Variants in SPIDR observed in about 807,000 individuals in gnomAD.
SPIDR encodes scaffold protein involved in DNA repair, also known as DNA repair-scaffolding protein.
SPIDR carries 93 observed loss-of-function variants against 104.6 expected under a neutral mutation model. The observed-to-expected ratio is 0.89, with a 90% CI of 0.75 to 1.06. The LOEUF is 1.06. Among genes scored for constraint, SPIDR ranks in the 50% least tolerant of loss-of-function variants. The pLI, the probability that SPIDR is intolerant of heterozygous loss-of-function variation, is 0.00. For missense variants in SPIDR, 1,154 were observed against 1,111.2 expected (o/e 1.04, Z -0.55); for synonymous variants, 431 against 416.9 (o/e 1.03, Z -0.41).
chr8:47,366,736 A>G (rs2057274913), intron 5 of SPIDR, among the ~76,000 whole-genome samples: 1 of 152,252 alleles, frequency 6.6e-6, no homozygotes, highest in African/African-American at 2.4e-5. Context: ...ATCAAGTTTA[A>G]GTGCGTCTTG....
At chr8:47,587,033 G>C (rs1338789496) in intron 8 of SPIDR, among the ~76,000 whole-genome samples, 3 of 152,160 alleles carry the variant, frequency 2.0e-5, no homozygotes, top group Non-Finnish European at 4.4e-5. Context: ...GCCTCCCAAA[G>C]TGCTGGGATT....
chr8:47,709,359 C>T (rs1181339713), intron 14 of SPIDR, among the ~76,000 whole-genome samples: 1 of 152,212 alleles, frequency 6.6e-6, no homozygotes, highest in Non-Finnish European at 1.5e-5. Context: ...AGGCTGGTCT[C>T]GAACTCCTGA....
intron 8 of SPIDR, chr8:47,547,247 G>A: frequency 3.2e-6 from 2 of 618,100 alleles, no homozygotes; most frequent in East Asian, 3.9e-5. Context: ...GGCTCCTCAG[G>A]TGTAACACGA....
chr8:47,641,670 G>C (rs539760412), intron 10 of SPIDR, among the ~76,000 whole-genome samples: 40 of 152,282 alleles, frequency 2.6e-4, no homozygotes, highest in South Asian at 1.7e-3. Flanking sequence ...GTGCTGCTGG[G>C]CTCCCCTGCA....
chr8:47,712,718 C>T lies in SPIDR; in HGVS notation c.2034C>T (p.Val678=), dbSNP rs745394288. The T allele has an allele frequency of 3.7e-6, 6 of 1,614,144 alleles. No homozygotes were observed. In the East Asian group the frequency reaches 1.1e-4, roughly 30 times the overall value. The part of the protein sequence containing the change: ...QREIWLLVTD[V]TLQTKEERDP... ...AGATCTGGCTGCTAGTGACCGATGT[C>T]ACTCTGCAAACGAAGGAGGAGAGAG... The change falls in exon 15 of 20, where the codon GTC becomes GTT. Residue 678 remains valine, a synonymous_variant. Coordinates refer to ENST00000297423, the MANE Select transcript of SPIDR (RefSeq NM_001080394.4).
chr8:47,344,819 G>C (rs1360007979), intron 5 of SPIDR, among the ~76,000 whole-genome samples: 1 of 152,168 alleles, frequency 6.6e-6, no homozygotes, highest in East Asian at 1.9e-4. Flanking sequence ...GGGGCTGTTT[G>C]ATTTTTTCTT....
intron 10 of SPIDR, among the ~76,000 whole-genome samples, chr8:47,606,561 A>T (rs1449256718): frequency 6.6e-6 from 1 of 152,024 alleles, no homozygotes; most frequent in Non-Finnish European, 1.5e-5. Context: ...AAAAACAAGG[A>T]TCCCAAACTC....
At chr8:47,315,591 C>T (rs2154258226) in intron 5 of SPIDR, among the ~76,000 whole-genome samples, 1 of 152,122 alleles carries the variant, frequency 6.6e-6, no homozygotes, top group South Asian at 2.1e-4. Flanking sequence ...ACAAAGCAAT[C>T]CTGATGATTT....
intron 7 of SPIDR, among the ~76,000 whole-genome samples, chr8:47,422,014 C>A (rs536742244): frequency 6.6e-6 from 1 of 152,318 alleles, no homozygotes; most frequent in East Asian, 1.9e-4. Context: ...TGTCAGTCTG[C>A]CCCTACTCAG....
At chr8:47,290,165 CT>C (rs1379827290) in intron 3 of SPIDR, among the ~76,000 whole-genome samples, 1 of 151,300 alleles carries the variant, frequency 6.6e-6, no homozygotes, top group Non-Finnish European at 1.5e-5. Context: ...TCAGCCCCCC[CT>C]GAGTAGCTGG....
At chr8:47,624,232 A>C (rs533891345) in intron 10 of SPIDR, among the ~76,000 whole-genome samples, 2 of 152,356 alleles carry the variant, frequency 1.3e-5, no homozygotes, top group East Asian at 3.9e-4. Context: ...GACACATTCA[A>C]AGCAGTGTGT....
At chr8:47,312,021 G>C (rs1460661167) in intron 5 of SPIDR, among the ~76,000 whole-genome samples, 3 of 152,082 alleles carry the variant, frequency 2.0e-5, no homozygotes, top group East Asian at 1.9e-4. Context: ...TTTCCAGTTT[G>C]ATCCATGTCC....
intron 7 of SPIDR, among the ~76,000 whole-genome samples, chr8:47,419,975 A>C (rs576777585): frequency 6.6e-6 from 1 of 152,258 alleles, no homozygotes; most frequent in East Asian, 1.9e-4. Flanking sequence ...CTGTGGTCTG[A>C]GAGACAGTTT....
chr8:47,589,270 C>T (rs1487631275), intron 8 of SPIDR, among the ~76,000 whole-genome samples: 1 of 151,860 alleles, frequency 6.6e-6, no homozygotes, highest in Admixed American at 6.6e-5. Context: ...CCTATAATCC[C>T]AGCACTTTGG....
chr8:47,407,900 A>G lies in SPIDR; in HGVS notation c.816A>G (p.Arg272=), dbSNP rs781988722. 1.1e-5 allele frequency: 17 copies of G among 1,606,404 alleles called. No homozygotes were observed. In the South Asian group the frequency reaches 1.8e-4, roughly 17 times the overall value. The change falls in exon 7 of 20, where the codon CGA becomes CGG. Residue 272 remains arginine (R), a synonymous_variant. Transcript: ENST00000297423. The part of the protein sequence containing the change: ...LAERLNGLQN[R]ERSAISLWRH... Reference sequence around the variant, plus strand: ...AAAGACTAAATGGACTGCAGAATCGAGAGAGATCTGCTATTTCTTTGTGGA... The same window carrying G: ...AAAGACTAAATGGACTGCAGAATCGGGAGAGATCTGCTATTTCTTTGTGGA...
chr8:47,621,117 C>T (rs1470605004), intron 10 of SPIDR, among the ~76,000 whole-genome samples: 2 of 151,408 alleles, frequency 1.3e-5, no homozygotes, highest in Non-Finnish European at 2.9e-5. Flanking sequence ...CCACCATGCC[C>T]AGCTAATTTT....
At chr8:47,389,688 CAAAAAAAAA>C (rs11295388) in intron 5 of SPIDR, among the ~76,000 whole-genome samples, 2 of 62,026 alleles carry the variant, frequency 3.2e-5, no homozygotes, top group African/African-American at 6.3e-5. Context: ...GACTCCATCT[CAAAAAAAAA>C]AAAAAAAAAA....
At chr8:47,376,698 C>T (rs1554642615) in intron 5 of SPIDR, among the ~76,000 whole-genome samples, 1 of 152,138 alleles carries the variant, frequency 6.6e-6, no homozygotes, top group Admixed American at 6.5e-5. Context: ...AATCACTATA[C>T]TTGTAGTGTA....
intron 7 of SPIDR, among the ~76,000 whole-genome samples, chr8:47,416,885 T>C (rs868994283): frequency 1.4e-5 from 2 of 141,468 alleles, no homozygotes; most frequent in African/African-American, 4.9e-5. Flanking sequence ...GTTTGGTTTT[T>C]TGTCCTTGCG....
Sources: gnomAD v4.1 joint callset for allele counts (sites outside exome capture counted in the v4.1 genomes callset) on GRCh38, gnomAD v4.1.1 for gene constraint, MANE v1.5 for transcripts, NCBI Gene and HGNC (gene_info 2026-07-23, HGNC 2026-07-21) for gene names.